Variants in NOS1AP observed in about 807,000 individuals in gnomAD.
NOS1AP encodes carboxyl-terminal PDZ ligand of neuronal nitric oxide synthase protein.
Under a neutral mutation model 56.2 loss-of-function variants are expected in NOS1AP, and 21 were observed. The observed-to-expected ratio is 0.37, with a 90% CI of 0.26 to 0.54. The LOEUF is 0.54. NOS1AP is among the 20% of genes least tolerant of loss of function. The pLI, the probability that NOS1AP is intolerant of heterozygous loss-of-function variation, is 0.84. For synonymous variants in NOS1AP, 270 were observed against 274.6 expected, an observed-to-expected ratio of 0.98 and a Z score of 0.17; for missense variants, 522 against 657.8, an observed-to-expected ratio of 0.79 and a Z score of 2.26.
intron 3 of NOS1AP, among the ~76,000 whole-genome samples, chr1:162,288,083 C>T (rs1356501007): frequency 2.6e-5 from 4 of 152,036 alleles, no homozygotes; most frequent in African/African-American, 7.2e-5. Context: ...CTGTTTTGTG[C>T]CAGTTGTATG....
At chr1:162,138,896 C>T (rs914380549) in intron 1 of NOS1AP, among the ~76,000 whole-genome samples, 25 of 152,108 alleles carry the variant, frequency 1.6e-4, no homozygotes, top group African/African-American at 5.8e-4. Context: ...GCCAGGGATT[C>T]CTGGGATGTG....
chr1:162,362,199 C>T (rs4657187), intron 8 of NOS1AP, among the ~76,000 whole-genome samples: 50,757 of 152,036 alleles, frequency 0.33, 8,726 homozygotes, highest in Middle Eastern at 0.42. Flanking sequence ...ACCTGTAGTC[C>T]CAGCACTTTG....
At chr1:162,088,693 A>G (rs1692058529) in intron 1 of NOS1AP, among the ~76,000 whole-genome samples, 1 of 152,158 alleles carries the variant, frequency 6.6e-6, no homozygotes, top group South Asian at 2.1e-4. Context: ...GCAGGCCAAG[A>G]CGGTTTGAGG....
intron 1 of NOS1AP, among the ~76,000 whole-genome samples, chr1:162,099,782 C>T (rs1242939035): frequency 6.6e-6 from 1 of 152,026 alleles, no homozygotes; most frequent in Non-Finnish European, 1.5e-5. Context: ...TCCCTCCCCA[C>T]TCCCCCGACC....
intron 2 of NOS1AP, among the ~76,000 whole-genome samples, chr1:162,166,811 C>T (rs1052379463): frequency 6.6e-6 from 1 of 152,176 alleles, no homozygotes; most frequent in African/African-American, 2.4e-5. Flanking sequence ...ACCCAGTGGA[C>T]ACCTGTACCT....
intron 2 of NOS1AP, among the ~76,000 whole-genome samples, chr1:162,214,814 A>G (rs1652501462): frequency 6.6e-6 from 1 of 152,152 alleles, no homozygotes; most frequent in South Asian, 2.1e-4. Context: ...CTGACAGCAT[A>G]TGGGAGTTCT....
intron 4 of NOS1AP, among the ~76,000 whole-genome samples, chr1:162,310,459 A>G (rs1256448110): frequency 6.6e-6 from 1 of 152,204 alleles, no homozygotes; most frequent in Non-Finnish European, 1.5e-5. Context: ...CTAACTTCTC[A>G]TATCATTTCT....
At chr1:162,141,175 C>T (rs1649221666) in intron 1 of NOS1AP, among the ~76,000 whole-genome samples, 1 of 152,094 alleles carries the variant, frequency 6.6e-6, no homozygotes, top group East Asian at 1.9e-4. Flanking sequence ...AGGTGCTTTC[C>T]CTACATGGTC....
intron 2 of NOS1AP, among the ~76,000 whole-genome samples, chr1:162,274,102 TATG>T (rs548304718): frequency 1.3e-5 from 2 of 152,188 alleles, no homozygotes; most frequent in Non-Finnish European, 2.9e-5. Context: ...TGCTGGGTCA[TATG>T]GTAAGTGTAT....
At chr1:162,102,577 C>CT (rs1558099347) in intron 1 of NOS1AP, among the ~76,000 whole-genome samples, 1 of 151,974 alleles carries the variant, frequency 6.6e-6, no homozygotes, top group Admixed American at 6.6e-5. Context: ...TGGTCCTGAG[C>CT]TTTTTTTGGT....
chr1:162,319,708 G>C (rs545270762), intron 4 of NOS1AP, among the ~76,000 whole-genome samples: 5 of 151,900 alleles, frequency 3.3e-5, no homozygotes, highest in African/African-American at 9.7e-5. Flanking sequence ...GTGTAGACCT[G>C]TCCTGAGAGC....
chr1:162,240,139 T>A (rs1162485690), intron 2 of NOS1AP, among the ~76,000 whole-genome samples: 5 of 152,304 alleles, frequency 3.3e-5, no homozygotes, highest in African/African-American at 1.2e-4. Flanking sequence ...TGCCTTATGG[T>A]CTGTCCTTCT....
At chr1:162,164,457 A>G (rs560111044) in intron 2 of NOS1AP, among the ~76,000 whole-genome samples, 1 of 152,280 alleles carries the variant, frequency 6.6e-6, no homozygotes, top group Admixed American at 6.5e-5. Context: ...CATCACCACT[A>G]TGTATACCCC....
At chr1:162,310,889 ACT>A (rs10667390) in intron 4 of NOS1AP, among the ~76,000 whole-genome samples, 13 of 150,118 alleles carry the variant, frequency 8.7e-5, no homozygotes, top group Non-Finnish European at 1.2e-4. Context: ...CTGTTCGCTG[ACT>A]CTCTCTCTCT....
chr1:162,328,934 C>T (rs1656679239), intron 4 of NOS1AP, among the ~76,000 whole-genome samples: 1 of 152,118 alleles, frequency 6.6e-6, no homozygotes, highest in Non-Finnish European at 1.5e-5. Context: ...GTTGTTGCTG[C>T]TGTTGTTGTT....
At chr1:162,264,081 G>A (rs1654322081) in intron 2 of NOS1AP, among the ~76,000 whole-genome samples, 1 of 152,178 alleles carries the variant, frequency 6.6e-6, no homozygotes, top group African/African-American at 2.4e-5. Flanking sequence ...CGCTGAACCT[G>A]TTTTTCATAC....
chr1:162,311,984 G>C (rs1656048551), intron 4 of NOS1AP, among the ~76,000 whole-genome samples: 2 of 127,524 alleles, frequency 1.6e-5, no homozygotes, highest in Admixed American at 8.1e-5. Flanking sequence ...GTCTATCATT[G>C]TTGGACATTT....
chr1:162,314,286 G>A (rs983386137), intron 4 of NOS1AP, among the ~76,000 whole-genome samples: 5 of 152,316 alleles, frequency 3.3e-5, no homozygotes, highest in South Asian at 2.1e-4. Flanking sequence ...CTCTGGATCC[G>A]CCTCTCTGGG....
intron 5 of NOS1AP, among the ~76,000 whole-genome samples, chr1:162,335,914 T>C (rs998110861): frequency 1.1e-4 from 16 of 152,194 alleles, no homozygotes; most frequent in African/African-American, 3.9e-4. Context: ...CCCTCGACCT[T>C]GTTCCCTGCA....
Sources: allele counts gnomAD v4.1 joint callset (sites outside exome capture counted in the v4.1 genomes callset), GRCh38; gene constraint gnomAD v4.1.1; transcripts MANE v1.5; gene names NCBI Gene and HGNC (gene_info 2026-07-23, HGNC 2026-07-21).